WDR33: variants seen among roughly 807,000 people sequenced by gnomAD.
WDR33 encodes the protein pre-mRNA 3' end processing protein WDR33.
Under a neutral mutation model 164.9 loss-of-function variants are expected in WDR33, and 47 were observed. The ratio of observed to expected loss-of-function variants is 0.29; its 90% CI spans 0.23 to 0.36. The LOEUF is 0.36. WDR33 is among the 10% of genes least tolerant of loss of function. WDR33 has a pLI of 1.00. For synonymous variants in WDR33, 505 were observed against 589.0 expected (o/e 0.86, Z 2.06); for missense variants, 1,137 against 1,754.1 (o/e 0.65, Z 6.28).
intron 1 of WDR33, among the ~76,000 whole-genome samples, chr2:127,793,062 T>C (rs529832243): frequency 3.3e-5 from 5 of 152,326 alleles, no homozygotes; most frequent in East Asian, 3.9e-4. Flanking sequence ...TTCATACATG[T>C]ATGTGTATTC....
intron 1 of WDR33, among the ~76,000 whole-genome samples, chr2:127,805,232 C>A (rs908918332): frequency 6.6e-6 from 1 of 151,648 alleles, no homozygotes; most frequent in Admixed American, 6.6e-5. Context: ...CGCAGGCCAC[C>A]AAACCCAGCA....
Position 127,705,254 on chromosome 2 carries a change from A to G in WDR33, c.*1069T>C, listed in dbSNP as rs549934163. 1.2e-5 allele frequency: 2 copies of G among 167,112 alleles called. No individual in the cohort carries two copies. The highest frequency in any genetic ancestry group is 6.5e-5 in the Admixed American group (1 of 15,308). 10.4% of individuals were successfully genotyped at this position (167,112 alleles called of 1,614,324 possible). On this transcript the variant is annotated 3_prime_UTR_variant, in exon 22 of 22. Transcript: ENST00000322313. The surrounding 1 kb of genome is among the most constrained non-coding windows in gnomAD (Gnocchi z 4.5). ...CAGTATAGAAAGTATCATGGGGTAT[A>G]TAACAAACTGAATTTTTGGCTTCCA...
chr2:127,750,279 T>C (rs1453736662), intron 7 of WDR33, among the ~76,000 whole-genome samples: 1 of 152,038 alleles, frequency 6.6e-6, no homozygotes, highest in Non-Finnish European at 1.5e-5. Flanking sequence ...CTGCCTGCCT[T>C]GGCCTCCCAA....
At position 127,717,271 on chromosome 2, in the gene WDR33, T is replaced by C; in HGVS notation, c.2761-8A>G. 1 of 1,563,618 alleles carries C rather than the reference T, an allele frequency of 6.4e-7. No homozygotes were observed. Among genetic ancestry groups the C allele is most frequent in the Non-Finnish European group, 8.6e-7 (1 of 1,158,276 alleles). On this transcript the variant is annotated splice_region_variant and splice_polypyrimidine_tract_variant and intron_variant, in intron 16 of 21. Coordinates refer to ENST00000322313, the MANE Select transcript of WDR33 (RefSeq NM_018383.5). This position sits in a 1 kb window ranked among gnomAD's most constrained non-coding sequence, Gnocchi z 5.6. Reference sequence around the variant, plus strand: ...GCCTGTGCTCTGTCCTTCCTGAAAATATGTTTTTAAAGTAAGGGTATGAAA... The same window carrying C: ...GCCTGTGCTCTGTCCTTCCTGAAAACATGTTTTTAAAGTAAGGGTATGAAA...
chr2:127,727,432 A>C (rs1244319486), intron 7 of WDR33, among the ~76,000 whole-genome samples: 1 of 152,162 alleles, frequency 6.6e-6, no homozygotes, highest in Non-Finnish European at 1.5e-5. Flanking sequence ...TTAAATCTTC[A>C]CAAAATCCTG....
chr2:127,780,441 G>A (rs1327178205), intron 1 of WDR33, among the ~76,000 whole-genome samples: 2 of 152,074 alleles, frequency 1.3e-5, no homozygotes, highest in East Asian at 3.9e-4. Context: ...GGCTAGACCA[G>A]TAACAAAATG....
chr2:127,760,986 C>G (rs1456826015), intron 7 of WDR33, among the ~76,000 whole-genome samples: 1 of 152,132 alleles, frequency 6.6e-6, no homozygotes, highest in Non-Finnish European at 1.5e-5. Context: ...AAATACTTAA[C>G]TGCTAGTTAA....
intron 1 of WDR33, among the ~76,000 whole-genome samples, chr2:127,775,146 C>A (rs916020738): frequency 2.6e-5 from 4 of 151,898 alleles, no homozygotes; most frequent in African/African-American, 9.7e-5. Context: ...CTCTGTTATG[C>A]GACTTTTATC....
intron 7 of WDR33, among the ~76,000 whole-genome samples, chr2:127,755,917 T>C (rs1455187881): frequency 1.3e-5 from 2 of 152,230 alleles, no homozygotes; most frequent in Non-Finnish European, 2.9e-5. Context: ...TGTTTCAATA[T>C]GGTAGAATAC....
At position 127,719,960 on chromosome 2, in the gene WDR33, G is replaced by T; in HGVS notation, c.2065C>A (p.Pro689Thr). ...CCTTGTGGTCCAGGTGGCCCTTGAG[G>T]TCCCAAAGGGCCATGAGGTCCAGGA... is the stretch of plus-strand genomic sequence containing the variant. ...RHPGPHGPLGPQGPPGPQGSS... is the reference protein window; with the variant it reads ...RHPGPHGPLGTQGPPGPQGSS... Residue 689 changes from proline to threonine, a missense_variant, in exon 16 of 22, where the codon CCT becomes ACT. Around this residue, in one of 9 missense-constraint regions of WDR33, gnomAD observed 867 missense variants for 1,073.0 expected, o/e 0.81. Transcript: ENST00000322313. The surrounding 1 kb of genome is among the most constrained non-coding windows in gnomAD (Gnocchi z 6.5). The T allele has an allele frequency of 6.2e-7, 1 of 1,614,008 alleles. No individual in the cohort carries two copies. The highest frequency in any genetic ancestry group is 1.3e-5 in the African/African-American group (1 of 75,022).
chr2:127,805,967 C>G (rs560805011), intron 1 of WDR33, among the ~76,000 whole-genome samples: 3,148 of 149,714 alleles, frequency 0.021, 118 homozygotes, highest in African/African-American at 0.074. Flanking sequence ...AAAAAAAAAC[C>G]GCAGGTGTGG....
Position 127,701,560 on chromosome 2 carries a change from A to G in WDR33, c.*4763T>C. 1.5e-6 allele frequency: 2 copies of G among 1,368,990 alleles called. No homozygotes were observed. The highest frequency in any genetic ancestry group is 9.4e-7 in the Non-Finnish European group (1 of 1,059,920). The allele number at this position is 1,368,990 out of a possible 1,614,324, so 84.8% of individuals were successfully genotyped here. On this transcript the variant is annotated 3_prime_UTR_variant, in exon 22 of 22. Transcript: ENST00000322313. ...GACCTCCACCGCCAGCTGCAGGAGTACCTGGCGCAGGGGAAAGCTGGCGGC... is the reference window on the plus strand; with the variant it reads ...GACCTCCACCGCCAGCTGCAGGAGTGCCTGGCGCAGGGGAAAGCTGGCGGC...
chr2:127,768,378 C>T, intron 3 of WDR33, 85 bp from the exon 4 acceptor site: 1 of 723,526 alleles, frequency 1.4e-6, no homozygotes, highest in Non-Finnish European at 2.1e-6. Flanking sequence ...ATTATTTCAA[C>T]ATTTAAAGAC....
chr2:127,732,780 T>C (rs1293760622), intron 7 of WDR33, among the ~76,000 whole-genome samples: 2 of 152,190 alleles, frequency 1.3e-5, no homozygotes, highest in Non-Finnish European at 2.9e-5. Context: ...GTGGGTTTTG[T>C]GAAGAGGCAA....
intron 1 of WDR33, among the ~76,000 whole-genome samples, chr2:127,785,966 T>C (rs1415915456): frequency 1.3e-5 from 2 of 152,248 alleles, no homozygotes; most frequent in African/African-American, 4.8e-5. Flanking sequence ...CTCCGTATCG[T>C]TGACAGCATT....
intron 1 of WDR33, among the ~76,000 whole-genome samples, chr2:127,783,599 C>CTTTTTTTTT (rs35345585): frequency 7.1e-5 from 6 of 84,414 alleles, no homozygotes; most frequent in African/African-American, 9.9e-5. Flanking sequence ...TTCAGGACTC[C>CTTTTTTTTT]TTTTTTTTTT....
At position 127,740,345 on chromosome 2, in the gene WDR33, C is replaced by CCACACACA. The variant is rs778978072; in HGVS notation, c.725-13569_725-13568insTGTGTGTG. On this transcript the variant is annotated intron_variant, in intron 7 of 21. Transcript: ENST00000322313. Reference sequence around the variant, plus strand: ...CACTTTGGGAGGGATTTGTATTTCTCTACACACACACACACACACACACAC... The same window carrying CCACACACA: ...CACTTTGGGAGGGATTTGTATTTCTCCACACACATACACACACACACACACACACACAC... 9.1e-5 allele frequency among the ~76,000 whole-genome samples: 11 copies of CCACACACA among 121,134 alleles called. No individual in the cohort carries two copies. In the East Asian group the frequency reaches 2.4e-3, roughly 27 times the overall value. 79.5% of individuals were successfully genotyped at this position (121,134 alleles called of 152,430 possible). A position where few individuals can be genotyped will look rare whatever the true frequency, so the allele number is the denominator to read the frequency against.
chr2:127,734,968 G>C (rs1284433614), intron 7 of WDR33, among the ~76,000 whole-genome samples: 1 of 152,096 alleles, frequency 6.6e-6, no homozygotes. Flanking sequence ...GGAGATTCTA[G>C]AAATAAAATG....
At chr2:127,771,905 A>C (rs938851953) in intron 1 of WDR33, among the ~76,000 whole-genome samples, 15 of 152,136 alleles carry the variant, frequency 9.9e-5, no homozygotes, top group Non-Finnish European at 1.9e-4. Context: ...TAACAGCTTG[A>C]GGCAGGGTGT....
Sources: allele counts gnomAD v4.1 joint callset (sites outside exome capture counted in the v4.1 genomes callset), GRCh38; gene constraint gnomAD v4.1.1; regional missense constraint gnomAD v4.1.1; non-coding constraint Gnocchi (gnomAD v3.1); transcripts MANE v1.5; gene names NCBI Gene and HGNC (gene_info 2026-07-23, HGNC 2026-07-21).